ZNF226: variants seen among roughly 807,000 people sequenced by gnomAD.
ZNF226 encodes zinc finger protein 226.
ZNF226 carries 6 observed loss-of-function variants against 11.4 expected under a neutral mutation model. The observed-to-expected ratio is 0.53, with a 90% CI of 0.29 to 1.04. ZNF226 has a LOEUF of 1.04. Ranked by LOEUF, ZNF226 falls within the 50% of genes least tolerant of loss-of-function variation. The probability of loss-of-function intolerance (pLI) is 0.08; values close to 1 mark genes in which losing one functional copy is unlikely to be tolerated. For missense variants in ZNF226, 1,058 were observed against 956.5 expected (o/e 1.11, Z -1.40); for synonymous variants, 350 against 322.8 (o/e 1.08, Z -0.90).
downstream of ZNF226, among the ~76,000 whole-genome samples, chr19:44,182,208 A>G (rs1970915652): frequency 6.6e-6 from 1 of 152,240 alleles, no homozygotes; most frequent in South Asian, 2.1e-4. Context: ...TAAGTATGTT[A>G]TAGAATTTCT....
Position 44,176,749 on chromosome 19 carries a change from T to G in ZNF226, c.1487T>G (p.Val496Gly), listed in dbSNP as rs377205758. The G allele has an allele frequency of 3.1e-6, 5 of 1,613,916 alleles. No homozygotes were observed. The highest frequency in any genetic ancestry group is 4.2e-6 in the Non-Finnish European group (5 of 1,180,012). ...LSSNLQAHQR[V>G]HTGEKPYKCN... The stretch of plus-strand genomic sequence containing the variant: ...TCAAATCTTCAAGCCCATCAGAGAG[T>G]CCACACTGGAGAGAAGCCATACAAA... The change falls in exon 6 of 6, where the codon GTC becomes GGC. Residue 496 changes from valine to glycine, a missense_variant. Transcript: ENST00000337433.
At position 44,166,044 on chromosome 19, in the gene ZNF226, T is replaced by A. The variant is rs531021213; in HGVS notation, c.-47+237T>A. ...TGTTTGCTCATAGCCACCTAGCTAG[T>A]AGGAGGCAGAGCTAGCATTGAAACC... On this transcript the variant is annotated intron_variant, in intron 2 of 5. Transcript: ENST00000337433. Among the ~76,000 whole-genome samples the A allele has an allele frequency of 7.8e-4, 119 of 152,232 alleles. 1 individual carries two copies. The Middle Eastern group carries it at 0.014, about 18-fold the overall frequency.
At chr19:44,167,424 T>G (rs545031228) in intron 2 of ZNF226, among the ~76,000 whole-genome samples, 11 of 149,280 alleles carry the variant, frequency 7.4e-5, no homozygotes, top group Admixed American at 6.9e-4. Flanking sequence ...GTTCAAAAGA[T>G]TCTCCTGCCT....
chr19:44,193,988 A>C, the ZNF226 span, among the ~76,000 whole-genome samples: 3 of 152,248 alleles, frequency 2.0e-5, no homozygotes, highest in Non-Finnish European at 4.4e-5. Flanking sequence ...GAAAAGCCCA[A>C]AAATTTTGTC....
In ZNF226 at chr19:44,176,927, A is replaced by G; in HGVS notation, c.1665A>G (p.Ile555Met). Residue 555 changes from isoleucine to methionine, a missense_variant, in exon 6 of 6, where the codon ATA (isoleucine) becomes ATG (methionine). Coordinates refer to ENST00000337433, the MANE Select transcript of ZNF226 (RefSeq NM_001032373.2). ...YLQIHQKAHS[I>M]EKPFKCEECG... is the part of the protein sequence containing the mutation. ...AAATCCATCAGAAGGCCCACAGTAT[A>G]GAGAAACCTTTTAAGTGTGAGGAGT... is the stretch of plus-strand genomic sequence containing the variant. 6.2e-7 allele frequency: 1 copy of G among 1,614,008 alleles called. No individual in the cohort carries two copies. The highest frequency in any genetic ancestry group is 8.5e-7 in the Non-Finnish European group (1 of 1,179,946).
the ZNF226 span, among the ~76,000 whole-genome samples, chr19:44,189,162 C>T: frequency 2.0e-5 from 3 of 152,072 alleles, no homozygotes; most frequent in African/African-American, 7.2e-5. Flanking sequence ...AAGCTGTAGG[C>T]CAGCATTATT....
the ZNF226 span, among the ~76,000 whole-genome samples, chr19:44,192,327 T>G: frequency 6.7e-6 from 1 of 148,994 alleles, no homozygotes; most frequent in African/African-American, 2.5e-5. Context: ...GCAAGAGGAG[T>G]GAGAGGTGAG....
chr19:44,178,909 A>G (rs1043618163), downstream of ZNF226, among the ~76,000 whole-genome samples: 1 of 152,188 alleles, frequency 6.6e-6, no homozygotes, highest in African/African-American at 2.4e-5. Flanking sequence ...GCTGGGTGTG[A>G]TGGCCCACGT....
rs763503519 is a variant in ZNF226 at position 44,177,648 on chromosome 19, A to G, written c.2386A>G (p.Thr796Ala). Residue 796 changes from threonine to alanine, a missense_variant, in exon 6 of 6, where the codon ACA becomes GCA. Physicochemically the swap from Thr to Ala is moderately conservative, Grantham distance 58. Transcript: ENST00000337433. ...NRGGKNIRES[T>A]QEKKSIK ...GGGTGGTAAGAACATCAGAGAATCC[A>G]CACAGGAAAAAAAATCTATAAAATG... 8.2e-6 allele frequency: 13 copies of G among 1,589,366 alleles called. No homozygotes were observed. The highest frequency in any genetic ancestry group is 1.4e-5 in the African/African-American group (1 of 73,556).
At chr19:44,180,325 G>C (rs536418757), downstream of ZNF226, among the ~76,000 whole-genome samples, 1 of 152,124 alleles carries the variant, frequency 6.6e-6, no homozygotes, top group African/African-American at 2.4e-5. Flanking sequence ...TTGGTTAAAG[G>C]CTTTACTCAG....
In ZNF226 at chr19:44,176,067, C is replaced by G; in HGVS notation, c.805C>G (p.Leu269Val). ...KPFSDLSSFD[L>V]HQQLQSGEKS... is the part of the protein sequence containing the mutation. The stretch of plus-strand genomic sequence containing the variant: ...CTTCAGTGATCTCTCCAGCTTTGAT[C>G]TTCATCAGCAGTTACAATCAGGAGA... Residue 269 changes from leucine (L) to valine (V), a missense_variant, in exon 6 of 6, where the codon CTT becomes GTT. Coordinates refer to ENST00000337433, the MANE Select transcript of ZNF226 (RefSeq NM_001032373.2). 3 of 1,614,158 alleles carry G rather than the reference C, an allele frequency of 1.9e-6. No individual in the cohort carries two copies. The highest frequency in any genetic ancestry group is 2.5e-6 in the Non-Finnish European group (3 of 1,180,004).
At position 44,175,829 on chromosome 19, in the gene ZNF226, A is replaced by T; in HGVS notation, c.567A>T (p.Gln189His). The change falls in exon 6 of 6, where the codon CAA becomes CAT. Residue 189 changes from glutamine (Q) to histidine (H), a missense_variant. Transcript: ENST00000337433. ...TESQRLNRDQ[Q>H]ISIKNKLCQC... ...CACAGAGATTGAACAGAGATCAGCA[A>T]ATTTCCATAAAAAATAAATTATGTC... is the stretch of plus-strand genomic sequence containing the variant. 6.2e-7 allele frequency: 1 copy of T among 1,613,616 alleles called. No individual in the cohort carries two copies. Among genetic ancestry groups the T allele is most frequent in the South Asian group, 1.1e-5 (1 of 90,960 alleles).
intron 2 of ZNF226, among the ~76,000 whole-genome samples, chr19:44,166,013 A>C (rs1969328881): frequency 6.6e-6 from 1 of 152,232 alleles, no homozygotes; most frequent in South Asian, 2.1e-4. Context: ...ACATAAGAAC[A>C]TAACTTGTTT....
intron 3 of ZNF226, 79 bp from the exon 4 acceptor site, chr19:44,172,009 A>G (rs746615802): frequency 8.9e-6 from 14 of 1,565,422 alleles, no homozygotes; most frequent in Non-Finnish European, 1.2e-5. Context: ...ATCCAGAACA[A>G]CTTTCCACCT....
Position 44,173,249 on chromosome 19 carries a change from T to C in ZNF226, c.235+297T>C. 4.4e-6 allele frequency: 2 copies of C among 456,722 alleles called. 1 individual carries two copies. Among genetic ancestry groups the C allele is most frequent in the Non-Finnish European group, 7.7e-6 (2 of 260,966 alleles). The allele number at this position is 456,722 out of a possible 1,614,324, so 28.3% of individuals were successfully genotyped here. A position where few individuals can be genotyped will look rare whatever the true frequency, so the allele number is the denominator to read the frequency against. On this transcript the variant is annotated intron_variant, in intron 5 of 5. Coordinates refer to ENST00000337433, the MANE Select transcript of ZNF226 (RefSeq NM_001032373.2). Reference sequence around the variant, plus strand: ...ATGTGGCTGACAGAGTCTTACACGGTGTGCTTTTCATCCCCCACTACCTCT... The same window carrying C: ...ATGTGGCTGACAGAGTCTTACACGGCGTGCTTTTCATCCCCCACTACCTCT...
the ZNF226 span, among the ~76,000 whole-genome samples, chr19:44,191,133 G>A: frequency 3.5e-4 from 54 of 152,288 alleles, no homozygotes; most frequent in African/African-American, 1.2e-3. Context: ...GTTGTGAAAA[G>A]TTTTATTTAG....
the ZNF226 span, among the ~76,000 whole-genome samples, chr19:44,191,838 G>T: frequency 6.6e-6 from 1 of 151,700 alleles, no homozygotes; most frequent in Non-Finnish European, 1.5e-5. Context: ...TGAAGCATGA[G>T]AAATTATTTT....
Position 44,171,350 on chromosome 19 carries a change from A to G in ZNF226, c.16-738A>G, listed in dbSNP as rs182013202. 3.8e-4 allele frequency among the ~76,000 whole-genome samples: 58 copies of G among 152,280 alleles called. 1 individual carries two copies. The East Asian group carries it at 5.4e-3, about 14-fold the overall frequency. ...AAAAAATATTAGACTTTTTTTTACT[A>G]CAAGAGCTAGATTCTGTCTTCCCCA... is the stretch of plus-strand genomic sequence containing the variant. On this transcript the variant is annotated intron_variant, in intron 3 of 5. Coordinates refer to ENST00000337433, the MANE Select transcript of ZNF226 (RefSeq NM_001032373.2).
the ZNF226 span, among the ~76,000 whole-genome samples, chr19:44,185,394 A>T: frequency 6.6e-6 from 1 of 152,196 alleles, no homozygotes; most frequent in African/African-American, 2.4e-5. Context: ...CCAACGTTAC[A>T]TCCTTGACAA....
Sources: allele counts gnomAD v4.1 joint callset (sites outside exome capture counted in the v4.1 genomes callset), GRCh38; gene constraint gnomAD v4.1.1; transcripts MANE v1.5; gene names NCBI Gene and HGNC (gene_info 2026-07-23, HGNC 2026-07-21).